Variants in ARHGEF39 observed in about 807,000 individuals in gnomAD.
The protein encoded by ARHGEF39 is Rho guanine nucleotide exchange factor (GEF) 39.
Under a neutral mutation model 47.5 loss-of-function variants are expected in ARHGEF39, and 45 were observed. The observed-to-expected ratio is 0.95, with a 90% CI of 0.75 to 1.22. The LOEUF (loss-of-function observed/expected upper bound fraction) is 1.22, where lower values mean the gene tolerates loss of function less well. ARHGEF39 is among the 50% of genes most tolerant of loss of function. The probability of loss-of-function intolerance (pLI) is 0.00; values close to 1 mark genes in which losing one functional copy is unlikely to be tolerated. For synonymous variants in ARHGEF39, 164 were observed against 167.8 expected, an observed-to-expected ratio of 0.98 and a Z score of 0.17; for missense variants, 411 against 425.3, an observed-to-expected ratio of 0.97 and a Z score of 0.30.
chr9:35,662,877 C>T (rs1012295271), intron 6 of ARHGEF39, 69 bp downstream of exon 6: 13 of 1,586,486 alleles, frequency 8.2e-6, no homozygotes, highest in African/African-American at 4.0e-5. Context: ...AGCAGCTGGT[C>T]GGCATTTGGA....
At chr9:35,662,767 T>C in intron 6 of ARHGEF39, 26 bp from the exon 7 acceptor site, 3 of 1,542,220 alleles carry the variant, frequency 1.9e-6, no homozygotes, top group Non-Finnish European at 1.8e-6. Context: ...GCTGTTATTC[T>C]GGTGCAGCTT....
At position 35,660,979 on chromosome 9, in the gene ARHGEF39, A is replaced by C. The variant is rs1201056779; in HGVS notation, c.*1008T>G. ...CTTCCTGAGGACTTCTGTTTAAAGG[A>C]GGACGAGGAGGAGATTGGTGACAGT... is the stretch of plus-strand genomic sequence containing the variant. On this transcript the variant is annotated 3_prime_UTR_variant, in exon 9 of 9. Transcript: ENST00000378387. 6.2e-7 allele frequency: 1 copy of C among 1,614,024 alleles called. No homozygotes were observed. The highest frequency in any genetic ancestry group is 8.5e-7 in the Non-Finnish European group (1 of 1,180,038).
In ARHGEF39 at chr9:35,663,128, T is replaced by C. The variant is rs1587934185; in HGVS notation, c.545-54A>G. The stretch of plus-strand genomic sequence containing the variant: ...CATACAACTTTGACTTTGGGTGCCA[T>C]GGTTGTGAAAGAGGTTATTCTGGAA... On this transcript the variant is annotated intron_variant, in intron 5 of 8. Transcript: ENST00000378387. 10 of 1,606,882 alleles carry C rather than the reference T, an allele frequency of 6.2e-6. No individual in the cohort carries two copies. In the East Asian group the frequency reaches 1.3e-4, roughly 22 times the overall value.
At position 35,663,376 on chromosome 9, in the gene ARHGEF39, C is replaced by A; in HGVS notation, c.490G>T (p.Val164Leu). The change falls in exon 5 of 9, where the codon GTA (valine) becomes TTA (leucine). Residue 164 changes from valine (V) to leucine (L), a missense_variant. Transcript: ENST00000378387. ...GGACCTGTGTTTTCAGCCAAAGCTA[C>A]GACGAGATTCTCATACCTGGAATTC... is the stretch of plus-strand genomic sequence containing the variant. ...QRLQQYENLVVALAENTGPNS... is the reference protein window; with the variant it reads ...QRLQQYENLVLALAENTGPNS... 1.2e-6 allele frequency: 2 copies of A among 1,613,662 alleles called. No homozygotes were observed. The highest frequency in any genetic ancestry group is 1.7e-6 in the Non-Finnish European group (2 of 1,179,816).
rs371120243 is a variant in ARHGEF39 at position 35,661,184 on chromosome 9, A to C, written c.*803T>G. On this transcript the variant is annotated 3_prime_UTR_variant, in exon 9 of 9. Transcript: ENST00000378387. ...GTCGACTAAAACAAAGTCTGTTTTC[A>C]TGATGGAGTGCTCCTGTGTGTTTTT... is the stretch of plus-strand genomic sequence containing the variant. 6.3e-7 allele frequency: 1 copy of C among 1,590,686 alleles called. No homozygotes were observed. The highest frequency in any genetic ancestry group is 1.3e-5 in the African/African-American group (1 of 74,346).
chr9:35,661,531 G>A lies in ARHGEF39; in HGVS notation c.*456C>T. 2.3e-6 allele frequency: 1 copy of A among 443,514 alleles called. No homozygotes were observed. The highest frequency in any genetic ancestry group is 3.9e-6 in the Non-Finnish European group (1 of 253,240). 27.5% of individuals were successfully genotyped at this position (443,514 alleles called of 1,614,324 possible). ...TAAAAATAGCCACATTTACAAAGCT[G>A]CAGCCTTGATAAATGACGGGCCATG... On this transcript the variant is annotated 3_prime_UTR_variant, in exon 9 of 9. Coordinates refer to ENST00000378387, the MANE Select transcript of ARHGEF39 (RefSeq NM_032818.3).
In ARHGEF39 at chr9:35,659,949, A is replaced by C. The variant is rs1157520884; in HGVS notation, c.*2038T>G. 1 of 153,914 alleles carries C rather than the reference A, an allele frequency of 6.5e-6. No homozygotes were observed. Among genetic ancestry groups the C allele is most frequent in the Non-Finnish European group, 1.4e-5 (1 of 69,172 alleles). 9.5% of individuals were successfully genotyped at this position (153,914 alleles called of 1,614,324 possible). A position where few individuals can be genotyped will look rare whatever the true frequency, so the allele number is the denominator to read the frequency against. On this transcript the variant is annotated 3_prime_UTR_variant, in exon 9 of 9. Coordinates refer to ENST00000378387, the MANE Select transcript of ARHGEF39 (RefSeq NM_032818.3). ...AACCTCTGGCTCCCAGGTTCAAGCGATTCTCCTGCCTCAGCCTCTCAAGTA... is the reference window on the plus strand; with the variant it reads ...AACCTCTGGCTCCCAGGTTCAAGCGCTTCTCCTGCCTCAGCCTCTCAAGTA...
Position 35,660,315 on chromosome 9 carries a change from C to T in ARHGEF39, c.*1672G>A, listed in dbSNP as rs777521919. ...CAATCACTGTCTCCATCTCAAATTG[C>T]ACTCTCTCTTGGCTGGCTCTGGAGA... is the stretch of plus-strand genomic sequence containing the variant. On this transcript the variant is annotated 3_prime_UTR_variant, in exon 9 of 9. Transcript: ENST00000378387. The T allele has an allele frequency of 8.6e-7, 1 of 1,166,710 alleles. No homozygotes were observed. Among genetic ancestry groups the T allele is most frequent in the South Asian group, 1.5e-5 (1 of 67,346 alleles). 72.3% of individuals were successfully genotyped at this position (1,166,710 alleles called of 1,614,324 possible). A position where few individuals can be genotyped will look rare whatever the true frequency, so the allele number is the denominator to read the frequency against.
In ARHGEF39 at chr9:35,665,087, C is replaced by A. The variant is rs866683588; in HGVS notation, c.83G>T (p.Arg28Leu). The change falls in exon 1 of 9, where the codon CGG (arginine) becomes CTG (leucine). Residue 28 changes from arginine (R) to leucine (L), a missense_variant. Transcript: ENST00000378387. ...RWERKRACTA[R>L]ELLETERRYQ... ...GCGCCGCTCGGTCTCTAGCAGCTCC[C>A]GGGCGGTGCAGGCGCGTTTCCGCTC... 6.4e-7 allele frequency: 1 copy of A among 1,555,766 alleles called. No individual in the cohort carries two copies. Among genetic ancestry groups the A allele is most frequent in the East Asian group, 2.4e-5 (1 of 42,166 alleles).
intron 4 of ARHGEF39, among the ~76,000 whole-genome samples, chr9:35,663,627 T>C (rs1364655963): frequency 6.6e-6 from 1 of 152,146 alleles, no homozygotes; most frequent in South Asian, 2.1e-4. Flanking sequence ...GGAGGCCAGA[T>C]TGGAAGATGA....
Position 35,661,237 on chromosome 9 carries a change from T to C in ARHGEF39, c.*750A>G, listed in dbSNP as rs773527394. ...GATCCTAGTTGGTTGTACACACCCATACTAGGTGCCTAAGGACAACTGGGC... is the reference window on the plus strand; with the variant it reads ...GATCCTAGTTGGTTGTACACACCCACACTAGGTGCCTAAGGACAACTGGGC... On this transcript the variant is annotated 3_prime_UTR_variant, in exon 9 of 9. Coordinates refer to ENST00000378387, the MANE Select transcript of ARHGEF39 (RefSeq NM_032818.3). 18 of 1,361,958 alleles carry C rather than the reference T, an allele frequency of 1.3e-5. No individual in the cohort carries two copies. The highest frequency in any genetic ancestry group is 2.9e-5 in the African/African-American group (2 of 68,860). The allele number at this position is 1,361,958 out of a possible 1,614,324, so 84.4% of individuals were successfully genotyped here.
In ARHGEF39 at chr9:35,661,865, CAG is replaced by C. The variant is rs1823967964; in HGVS notation, c.*120_*121del. The C allele has an allele frequency of 1.6e-6, 2 of 1,273,708 alleles. No individual in the cohort carries two copies. The highest frequency in any genetic ancestry group is 1.5e-5 in the African/African-American group (1 of 66,968). The allele number at this position is 1,273,708 out of a possible 1,614,324, so 78.9% of individuals were successfully genotyped here. On this transcript the variant is annotated 3_prime_UTR_variant, in exon 9 of 9. Coordinates refer to ENST00000378387, the MANE Select transcript of ARHGEF39 (RefSeq NM_032818.3). ...TCTGGAGTAGCTTGGTCCAGGCAAA[CAG>C]AAAGTGACCTTTGTCAAATCATGAA... is the stretch of plus-strand genomic sequence containing the variant.
In ARHGEF39 at chr9:35,662,996, C is replaced by A. The variant is rs756938957; in HGVS notation, c.623G>T (p.Arg208Leu). 37 of 1,610,310 alleles carry A rather than the reference C, an allele frequency of 2.3e-5. No individual in the cohort carries two copies. Among genetic ancestry groups the A allele is most frequent in the Non-Finnish European group, 3.0e-5 (35 of 1,177,136 alleles). The change falls in exon 6 of 9, where the codon CGG becomes CTG. Residue 208 changes from arginine (R) to leucine (L), a missense_variant. By Grantham distance (102) the Arg-to-Leu change is moderately radical. Coordinates refer to ENST00000378387, the MANE Select transcript of ARHGEF39 (RefSeq NM_032818.3). ...GQKQKNDQHL[R>L]RVQALLSGRQ... ...TCCACTGAGCAGAGCCTGGACACGCCGAAGGTGCTGGTCATTCTTCTGTTT... is the reference window on the plus strand; with the variant it reads ...TCCACTGAGCAGAGCCTGGACACGCAGAAGGTGCTGGTCATTCTTCTGTTT...
At position 35,662,202 on chromosome 9, in the gene ARHGEF39, G is replaced by GT. The variant is rs750723950; in HGVS notation, c.968dup (p.Tyr323Ter). Residue 323 changes from tyrosine to a stop codon, truncating the protein, a stop_gained and frameshift_variant, in exon 8 of 9, where the codon TAC becomes TAAC. Transcript: ENST00000378387. LOFTEE classifies it high-confidence loss of function. ...STDQEELSRW[Y>*]HSLTWAISSQ... ...ACCTGATAGCCCAAGTCAGACTGTG[G>GT]TACCAGCGTGACAGCTCCTCCTGGT... The GT allele has an allele frequency of 1.2e-5, 19 of 1,614,046 alleles. No individual in the cohort carries two copies. Among genetic ancestry groups the GT allele is most frequent in the Non-Finnish European group, 1.6e-5 (19 of 1,180,020 alleles).
chr9:35,662,448 A>G (rs1042245700), intron 7 of ARHGEF39, 64 bp downstream of exon 7: 59 of 1,522,650 alleles, frequency 3.9e-5, no homozygotes, highest in Admixed American at 5.6e-5. Flanking sequence ...CAGACCAGGG[A>G]GATAAACCAG....
In ARHGEF39 at chr9:35,661,996, C is replaced by T; in HGVS notation, c.999G>A (p.Gln333=). The change falls in exon 9 of 9, where the codon CAG becomes CAA. Residue 333 remains glutamine (Q), a synonymous_variant. Transcript: ENST00000378387. ...AATCTATAAGATTCCTCTAGTTTTT[C>T]TGGCTGCTGTGGAGAGAAGACAGTC... ...YHSLTWAISS[Q]KN 6.2e-7 allele frequency: 1 copy of T among 1,613,812 alleles called. No individual in the cohort carries two copies. Among genetic ancestry groups the T allele is most frequent in the Non-Finnish European group, 8.5e-7 (1 of 1,179,882 alleles).
chr9:35,662,288 A>T lies in ARHGEF39; in HGVS notation c.904-21T>A, dbSNP rs369314807. 5 of 1,604,744 alleles carry T rather than the reference A, an allele frequency of 3.1e-6. No individual in the cohort carries two copies. The African/African-American group carries it at 6.7e-5, about 21-fold the overall frequency. On this transcript the variant is annotated intron_variant, in intron 7 of 8. Transcript: ENST00000378387. Reference sequence around the variant, plus strand: ...GACAGCTAGAGAGAGACCACCTCTTAGCGCATGGCTCAGAAAGGTCCAGGC... The same window carrying T: ...GACAGCTAGAGAGAGACCACCTCTTTGCGCATGGCTCAGAAAGGTCCAGGC...
chr9:35,663,975 G>A lies in ARHGEF39; in HGVS notation c.473+33C>T, dbSNP rs536380762. 1.1e-5 allele frequency: 18 copies of A among 1,595,324 alleles called. No homozygotes were observed. The South Asian group carries it at 1.7e-4, about 15-fold the overall frequency. On this transcript the variant is annotated intron_variant, in intron 4 of 8. Transcript: ENST00000378387. ...AGGGCAGCAGTCATACAAACTAAAA[G>A]AGAGAGGCGGCTGGAATCAAGAGTT...
chr9:35,662,930 G>A lies in ARHGEF39; in HGVS notation c.673+16C>T, dbSNP rs1008113027. 1.6e-5 allele frequency: 25 copies of A among 1,604,566 alleles called. No homozygotes were observed. The highest frequency in any genetic ancestry group is 2.1e-5 in the Non-Finnish European group (25 of 1,172,110). ...GATGGGGCAGTTGAGGATTGAAGGGGAAGTAGGCAAGCTACCTGAGGTCAG... is the reference window on the plus strand; with the variant it reads ...GATGGGGCAGTTGAGGATTGAAGGGAAAGTAGGCAAGCTACCTGAGGTCAG... On this transcript the variant is annotated intron_variant, in intron 6 of 8. Transcript: ENST00000378387.
Sources: allele counts gnomAD v4.1 joint callset (sites outside exome capture counted in the v4.1 genomes callset), GRCh38; gene constraint gnomAD v4.1.1; transcripts MANE v1.5; gene names NCBI Gene and HGNC (gene_info 2026-07-23, HGNC 2026-07-21).